The following FRMD4B variants were observed in gnomAD, a reference collection of about 807,000 sequenced individuals.
The protein encoded by FRMD4B is FERM domain-containing protein 4B.
FRMD4B carries 74 observed loss-of-function variants against 141.5 expected under a neutral mutation model. That is an observed-to-expected ratio of 0.52 (90% CI 0.43 to 0.63). The LOEUF (loss-of-function observed/expected upper bound fraction) is 0.63, where lower values mean the gene tolerates loss of function less well. FRMD4B is among the 30% of genes least tolerant of loss of function. The pLI, the probability that FRMD4B is intolerant of heterozygous loss-of-function variation, is 0.00. For synonymous variants in FRMD4B, 506 were observed against 467.9 expected (o/e 1.08, Z -1.05); for missense variants, 1,366 against 1,253.4 (o/e 1.09, Z -1.36).
At chr3:69,310,569 CACACACACACACAGAGAGAGAGAGAG>C in intron 3 of FRMD4B, 1 of 248,488 alleles carries the variant, frequency 4.0e-6, no homozygotes, top group Non-Finnish European at 8.2e-6. Flanking sequence ...CACACACACA[CACACACACACACAGAGAGAGAGAGAG>C]AGAGAGAGAG....
At chr3:69,513,928 G>GA (rs1293317616) in intron 1 of FRMD4B, among the ~76,000 whole-genome samples, 1 of 152,046 alleles carries the variant, frequency 6.6e-6, no homozygotes, top group Admixed American at 6.6e-5. Context: ...GGCCATATAT[G>GA]AAAAATCCAC....
intron 8 of FRMD4B, among the ~76,000 whole-genome samples, chr3:69,223,857 T>C (rs1445647879): frequency 6.6e-6 from 1 of 152,042 alleles, no homozygotes; most frequent in Admixed American, 6.6e-5. Flanking sequence ...AACAAAAAAC[T>C]ATCACTTGAA....
chr3:69,533,648 C>T (rs1014809184), intron 1 of FRMD4B, among the ~76,000 whole-genome samples: 23 of 152,142 alleles, frequency 1.5e-4, no homozygotes. Flanking sequence ...CTGAAATCTC[C>T]ACTTTGGCCT....
intron 1 of FRMD4B, among the ~76,000 whole-genome samples, chr3:69,368,857 G>C (rs1198126069): frequency 6.6e-6 from 1 of 152,070 alleles, no homozygotes; most frequent in East Asian, 1.9e-4. Context: ...GATGAGGTTT[G>C]ACCATGTTGC....
At chr3:69,266,545 C>T (rs369589183) in intron 5 of FRMD4B, among the ~76,000 whole-genome samples, 10 of 152,012 alleles carry the variant, frequency 6.6e-5, no homozygotes, top group Admixed American at 1.3e-4. Flanking sequence ...AGGCTGGTCT[C>T]GAACTCCTGA....
chr3:69,359,289 G>T (rs1703408665), intron 1 of FRMD4B, among the ~76,000 whole-genome samples: 1 of 152,196 alleles, frequency 6.6e-6, no homozygotes, highest in Non-Finnish European at 1.5e-5. Flanking sequence ...AAGACTGGAG[G>T]TCAGGAAAGA....
At chr3:69,183,308 G>T (rs1373288478) in intron 19 of FRMD4B, among the ~76,000 whole-genome samples, 1 of 151,794 alleles carries the variant, frequency 6.6e-6, no homozygotes, top group Admixed American at 6.6e-5. Context: ...CCCACCACCA[G>T]CTACCTAAAA....
chr3:69,320,400 C>T (rs887682951), intron 1 of FRMD4B, among the ~76,000 whole-genome samples: 8 of 151,858 alleles, frequency 5.3e-5, no homozygotes, highest in African/African-American at 1.9e-4. Flanking sequence ...TGAGACCCAC[C>T]TGGGCGACAT....
intron 22 of FRMD4B, among the ~76,000 whole-genome samples, chr3:69,175,267 T>C (rs1249545012): frequency 6.6e-6 from 1 of 152,126 alleles, no homozygotes; most frequent in Non-Finnish European, 1.5e-5. Context: ...CAGGAGAAAA[T>C]GCCCTACTTC....
At chr3:69,512,577 T>C (rs1188239902) in intron 1 of FRMD4B, among the ~76,000 whole-genome samples, 6 of 152,226 alleles carry the variant, frequency 3.9e-5, no homozygotes, top group Non-Finnish European at 7.3e-5. Context: ...GGGTGAGCTC[T>C]GCCATTTTTC....
intron 11 of FRMD4B, among the ~76,000 whole-genome samples, chr3:69,214,514 T>C (rs996105067): frequency 6.6e-5 from 10 of 152,126 alleles, no homozygotes; most frequent in Non-Finnish European, 1.5e-4. Context: ...ATATGGATTC[T>C]TCAACTCTAA....
chr3:69,507,239 T>A (rs1216740785), intron 1 of FRMD4B, among the ~76,000 whole-genome samples: 1 of 152,172 alleles, frequency 6.6e-6, no homozygotes, highest in East Asian at 1.9e-4. Flanking sequence ...ATTTTGAGTA[T>A]CCAGAGTTAT....
At chr3:69,213,047 T>C (rs765249660) in intron 11 of FRMD4B, among the ~76,000 whole-genome samples, 7 of 152,156 alleles carry the variant, frequency 4.6e-5, no homozygotes, top group East Asian at 1.9e-4. Context: ...CCATCAAAAG[T>C]GAAGTGGTTA....
chr3:69,281,842 T>A (rs2093646392), intron 5 of FRMD4B, among the ~76,000 whole-genome samples: 2 of 144,800 alleles, frequency 1.4e-5, no homozygotes, highest in African/African-American at 5.1e-5. Flanking sequence ...AAAAAAAATA[T>A]ATATATATAT....
At chr3:69,509,345 A>C (rs1264062395) in intron 1 of FRMD4B, among the ~76,000 whole-genome samples, 1 of 152,230 alleles carries the variant, frequency 6.6e-6, no homozygotes, top group African/African-American at 2.4e-5. Context: ...AACATTCATC[A>C]GAATTTTCCC....
intron 5 of FRMD4B, among the ~76,000 whole-genome samples, chr3:69,285,850 A>C (rs187280349): frequency 1.6e-4 from 24 of 150,832 alleles, no homozygotes; most frequent in Non-Finnish European, 3.0e-5. Context: ...TCTCAAAAAG[A>C]AAAAAAAAAT....
intron 9 of FRMD4B, 118 bp downstream of exon 9, chr3:69,221,740 A>C: frequency 1.5e-6 from 1 of 676,308 alleles, no homozygotes; most frequent in Non-Finnish European, 2.7e-6. Context: ...TCACAGTAAG[A>C]TATTTCTAAC....
At chr3:69,433,518 C>T (rs985120108) in intron 1 of FRMD4B, among the ~76,000 whole-genome samples, 1 of 152,194 alleles carries the variant, frequency 6.6e-6, no homozygotes, top group Non-Finnish European at 1.5e-5. Context: ...TTGGCACCTC[C>T]CCACACCACC....
intron 11 of FRMD4B, 141 bp from the exon 12 acceptor site, chr3:69,198,915 T>A (rs890658260): frequency 1.2e-4 from 73 of 620,702 alleles, no homozygotes; most frequent in Non-Finnish European, 1.8e-4. Context: ...TCAGCCTTTT[T>A]ACAAATCAAC....
Sources: allele counts gnomAD v4.1 joint callset (sites outside exome capture counted in the v4.1 genomes callset), GRCh38; gene constraint gnomAD v4.1.1; transcripts MANE v1.5; gene names NCBI Gene and HGNC (gene_info 2026-07-23, HGNC 2026-07-21).